The following MAPK14 variants were observed in gnomAD, a reference collection of about 807,000 sequenced individuals.
MAPK14 encodes CSAID-binding protein.
In MAPK14, 16 loss-of-function variants were observed where a neutral mutation model predicts 49.6. The ratio of observed to expected loss-of-function variants is 0.32; its 90% CI spans 0.22 to 0.49. MAPK14 has a LOEUF of 0.49. Among genes scored for constraint, MAPK14 ranks in the 20% least tolerant of loss-of-function variants. MAPK14 has a pLI of 0.99. For synonymous variants in MAPK14, 142 were observed against 158.0 expected, an observed-to-expected ratio of 0.90 and a Z score of 0.76; for missense variants, 200 against 441.2, an observed-to-expected ratio of 0.45 and a Z score of 4.90.
chr6:36,073,047 G>T, intron 4 of MAPK14, 63 bp downstream of exon 4: 1 of 1,044,762 alleles, frequency 9.6e-7, no homozygotes, highest in African/African-American at 1.6e-5. Context: ...TCCTTTTAGG[G>T]CTTAAACAAA....
rs191718319 is a variant in MAPK14, at chr6:36,058,990, A to G, written c.247-299A>G. On this transcript the variant is annotated intron_variant, in intron 2 of 11. Transcript: ENST00000229794. ...CTGCAACCTCCGCTTCCCAGGTTCAATCAGTTCTCCTGCCTCAGCCTCCCG... is the reference window on the plus strand; with the variant it reads ...CTGCAACCTCCGCTTCCCAGGTTCAGTCAGTTCTCCTGCCTCAGCCTCCCG... Among the ~76,000 whole-genome samples, 7 of 151,618 alleles carry G rather than the reference A, an allele frequency of 4.6e-5. No individual in the cohort carries two copies. The East Asian group carries it at 5.8e-4, about 13-fold the overall frequency.
intron 2 of MAPK14, among the ~76,000 whole-genome samples, chr6:36,058,791 T>C (rs531934886): frequency 6.6e-6 from 1 of 151,994 alleles, no homozygotes; most frequent in South Asian, 2.1e-4. Flanking sequence ...TCCCAGCTAC[T>C]TGGGAGGCTG....
Position 36,085,872 on chromosome 6 carries a change from A to G in MAPK14, c.682+9264A>G, listed in dbSNP as rs375854939. ...GAATATACATTCTTCTTAGCAGCAC[A>G]TCGCACTTAGGCTAAAATTGATCAC... On this transcript the variant is annotated intron_variant, in intron 8 of 11. Coordinates refer to ENST00000229794, the MANE Select transcript of MAPK14 (RefSeq NM_139012.3). Among the ~76,000 whole-genome samples the G allele has an allele frequency of 1.1e-4, 16 of 152,346 alleles. No individual in the cohort carries two copies. In the East Asian group the frequency reaches 2.5e-3, roughly 24 times the overall value.
chr6:36,120,101 G>A, the MAPK14 span, among the ~76,000 whole-genome samples: 1 of 152,158 alleles, frequency 6.6e-6, no homozygotes, highest in Non-Finnish European at 1.5e-5. Flanking sequence ...AACCTCCGCA[G>A]GTTGCTTGAT....
chr6:36,113,294 G>T (rs1043370968), downstream of MAPK14, among the ~76,000 whole-genome samples: 2 of 139,974 alleles, frequency 1.4e-5, no homozygotes, highest in African/African-American at 5.3e-5. Flanking sequence ...GTGAGTCATG[G>T]TTGTGCCACT....
At chr6:36,044,221 C>G (rs73407861) in intron 1 of MAPK14, among the ~76,000 whole-genome samples, 2 of 152,104 alleles carry the variant, frequency 1.3e-5, no homozygotes, top group Non-Finnish European at 2.9e-5. Flanking sequence ...CAAAAGTAAA[C>G]CAAATTGTGT....
chr6:36,042,099 CAGGT>C (rs1762984560), intron 1 of MAPK14, among the ~76,000 whole-genome samples: 1 of 152,198 alleles, frequency 6.6e-6, no homozygotes, highest in South Asian at 2.1e-4. Context: ...AGGAACATCT[CAGGT>C]AGGGTGAACC....
intron 1 of MAPK14, among the ~76,000 whole-genome samples, chr6:36,042,701 G>A (rs1763013385): frequency 6.6e-6 from 1 of 150,426 alleles, no homozygotes; most frequent in Admixed American, 6.6e-5. Flanking sequence ...ACTATGTCAT[G>A]AAGTTGCCCA....
At chr6:36,104,647 A>T (rs1490163382) in intron 10 of MAPK14, among the ~76,000 whole-genome samples, 1 of 152,124 alleles carries the variant, frequency 6.6e-6, no homozygotes, top group Non-Finnish European at 1.5e-5. Flanking sequence ...TCGGCCTCCC[A>T]AAGTGCTGGG....
chr6:36,078,876 C>T lies in MAPK14; in HGVS notation c.682+2268C>T, dbSNP rs544807456. Among the ~76,000 whole-genome samples, 9 of 152,358 alleles carry T rather than the reference C, an allele frequency of 5.9e-5. No individual in the cohort carries two copies. In the East Asian group the frequency reaches 7.7e-4, roughly 13 times the overall value. On this transcript the variant is annotated intron_variant, in intron 8 of 11. Coordinates refer to ENST00000229794, the MANE Select transcript of MAPK14 (RefSeq NM_139012.3). Reference sequence around the variant, plus strand: ...ATTATCTTTTCCTGCCTGAACTATACGGTCACTTGTGTTCCAGCATAGTGG... The same window carrying T: ...ATTATCTTTTCCTGCCTGAACTATATGGTCACTTGTGTTCCAGCATAGTGG...
At chr6:36,104,844 G>A (rs1003477310) in intron 10 of MAPK14, among the ~76,000 whole-genome samples, 2 of 152,144 alleles carry the variant, frequency 1.3e-5, no homozygotes, top group African/African-American at 4.8e-5. Flanking sequence ...TTGTGTTCCA[G>A]CAGCTTATTT....
downstream of MAPK14, among the ~76,000 whole-genome samples, chr6:36,112,262 C>T (rs530762085): frequency 2.2e-4 from 33 of 151,822 alleles, no homozygotes; most frequent in African/African-American, 7.7e-4. Context: ...ACATACCAGA[C>T]ATGAGACATG....
At position 36,095,984 on chromosome 6, in the gene MAPK14, T is replaced by C. The variant is rs770325928; in HGVS notation, c.683-3T>C. 6.3e-7 allele frequency: 1 copy of C among 1,580,744 alleles called. No individual in the cohort carries two copies. Among genetic ancestry groups the C allele is most frequent in the Non-Finnish European group, 8.7e-7 (1 of 1,151,588 alleles). On this transcript the variant is annotated splice_polypyrimidine_tract_variant and splice_region_variant and intron_variant, in intron 8 of 11. Transcript: ENST00000229794. ...AACATTTTCCTTTATGGTCCACCAT[T>C]AGATATTGATCAGTTGAAGCTCATT...
chr6:36,074,127 C>A, intron 6 of MAPK14, 31 bp downstream of exon 6: 2 of 1,588,416 alleles, frequency 1.3e-6, no homozygotes, highest in Non-Finnish European at 1.7e-6. Context: ...TCATTGTTTG[C>A]TTTACTTTGA....
At chr6:36,038,885 G>A (rs1762849082) in intron 1 of MAPK14, among the ~76,000 whole-genome samples, 1 of 152,062 alleles carries the variant, frequency 6.6e-6, no homozygotes, top group Admixed American at 6.5e-5. Flanking sequence ...GGCTTTTAGG[G>A]TTTTTCTTAC....
intron 2 of MAPK14, 62 bp from the exon 3 acceptor site, chr6:36,059,227 C>T (rs1357629011): frequency 2.9e-6 from 3 of 1,034,942 alleles, no homozygotes; most frequent in East Asian, 2.6e-5. Context: ...AGATTAAGAC[C>T]TGATGGGTAC....
intron 9 of MAPK14, chr6:36,098,004 G>C (rs535661726): frequency 6.6e-6 from 1 of 151,742 alleles, no homozygotes; most frequent in African/African-American, 2.4e-5. Flanking sequence ...TTTGATGTTC[G>C]TGACACGGCC....
At chr6:36,062,420 T>C (rs1199678118) in intron 3 of MAPK14, among the ~76,000 whole-genome samples, 7 of 152,072 alleles carry the variant, frequency 4.6e-5, no homozygotes, top group Non-Finnish European at 1.0e-4. Context: ...TTGGGAGTGG[T>C]GGGGTCTGTG....
intron 8 of MAPK14, among the ~76,000 whole-genome samples, chr6:36,078,968 C>T (rs984769695): frequency 5.3e-5 from 8 of 152,198 alleles, no homozygotes; most frequent in Admixed American, 4.6e-4. Context: ...TGCCTGGGGA[C>T]CACCCCAAAG....
Sources: gnomAD v4.1 joint callset for allele counts (sites outside exome capture counted in the v4.1 genomes callset) on GRCh38, gnomAD v4.1.1 for gene constraint, MANE v1.5 for transcripts, NCBI Gene and HGNC (gene_info 2026-07-23, HGNC 2026-07-21) for gene names.